Variants in COL2A1 observed in about 807,000 individuals in gnomAD.
COL2A1 encodes the protein collagen alpha-1(II) chain.
In COL2A1, 28 loss-of-function variants were observed where a neutral mutation model predicts 204.5. That is an observed-to-expected ratio of 0.14 (90% CI 0.10 to 0.19). The LOEUF (loss-of-function observed/expected upper bound fraction) is 0.19. Among genes scored for constraint, COL2A1 ranks in the 10% least tolerant of loss-of-function variants. The pLI is 1.00. For synonymous variants in COL2A1, 708 were observed against 718.7 expected (o/e 0.99, Z 0.24); for missense variants, 1,388 against 2,027.5 (o/e 0.68, Z 6.06).
In COL2A1 at chr12:47,982,605, G is replaced by T. The variant is rs1939157535; in HGVS notation, c.2198C>A (p.Ala733Glu). 2 of 1,609,320 alleles carry T rather than the reference G, an allele frequency of 1.2e-6. No individual in the cohort carries two copies. Residue 733 changes from alanine (A) to glutamate (E), a missense_variant, in exon 34 of 54, where the codon GCA (alanine) becomes GAA (glutamate). This residue lies in a region of COL2A1 where 884 missense variants were observed against 1,415.8 expected (regional missense o/e 0.62). Coordinates refer to ENST00000380518, the MANE Select transcript of COL2A1 (RefSeq NM_001844.5). ...GTPGTDGPKG[A>E]SGPAGPPGAQ... ...CCCAGGGGGGCCTGCTGGGCCAGAT[G>T]CACCCTGGGGAGGGAGGTAAGAGGG...
At chr12:47,979,118 A>G (rs1938896172) in intron 41 of COL2A1, among the ~76,000 whole-genome samples, 1 of 151,698 alleles carries the variant, frequency 6.6e-6, no homozygotes, top group South Asian at 2.1e-4. Context: ...CCCTCTGCCT[A>G]TGGCGCTGGT....
chr12:47,974,155 A>T lies in COL2A1; in HGVS notation c.4251T>A (p.Asn1417Lys), dbSNP rs1938574374. Residue 1417 changes from asparagine (N) to lysine (K), a missense_variant, in exon 53 of 54, where the codon AAT becomes AAA. Physicochemically the swap from Asn to Lys is moderately conservative, Grantham distance 94. Around this residue, in one of 3 missense-constraint regions of COL2A1, gnomAD observed 303 missense variants for 369.2 expected, o/e 0.82. Coordinates refer to ENST00000380518, the MANE Select transcript of COL2A1 (RefSeq NM_001844.5). ...TGCCCTCTGCCCGGATCTCCACGTC[A>T]TTGGAGCCCTGGATGAGCAGGGCCT... is the stretch of plus-strand genomic sequence containing the variant. Reference protein sequence around the residue: ...LKKALLIQGSNDVEIRAEGNS... With the variant: ...LKKALLIQGSKDVEIRAEGNS... 1.2e-6 allele frequency: 2 copies of T among 1,614,168 alleles called. No individual in the cohort carries two copies. Among genetic ancestry groups the T allele is most frequent in the South Asian group, 2.2e-5 (2 of 91,082 alleles).
chr12:47,976,742 C>T lies in COL2A1; in HGVS notation c.3435+70G>A. On this transcript the variant is annotated intron_variant, in intron 48 of 53. Transcript: ENST00000380518. This position sits in a 1 kb window ranked among gnomAD's most constrained non-coding sequence, Gnocchi z 4.3. The stretch of plus-strand genomic sequence containing the variant: ...GGGTGATCCCAAGCTGTCCTGGCAG[C>T]ACAGGGAGCTCAAGTGGGCTCTGTG... The T allele has an allele frequency of 6.8e-7, 1 of 1,468,550 alleles. No individual in the cohort carries two copies. 91.0% of individuals were successfully genotyped at this position (1,468,550 alleles called of 1,614,324 possible).
Position 47,993,842 on chromosome 12 carries a change from A to G in COL2A1, c.891T>C (p.Gly297=). ...CAGGAGCACCCGCCTCTCCCTTAGCACCGTCCAGGCCTGGATAACCCTAGG... is the reference window on the plus strand; with the variant it reads ...CAGGAGCACCCGCCTCTCCCTTAGCGCCGTCCAGGCCTGGATAACCCTAGG... The part of the protein sequence containing the change: ...KGHRGYPGLD[G]AKGEAGAPGV... Residue 297 remains glycine, a synonymous_variant, in exon 14 of 54, where the codon GGT becomes GGC. Coordinates refer to ENST00000380518, the MANE Select transcript of COL2A1 (RefSeq NM_001844.5). 1 of 1,614,044 alleles carries G rather than the reference A, an allele frequency of 6.2e-7. No individual in the cohort carries two copies. The highest frequency in any genetic ancestry group is 8.5e-7 in the Non-Finnish European group (1 of 1,179,980).
chr12:48,003,181 A>C (rs1940314971), intron 1 of COL2A1: 1 of 152,158 alleles, frequency 6.6e-6, no homozygotes. Flanking sequence ...GACCTTACCA[A>C]AGGAGGGGTA....
chr12:48,005,240 G>C (rs536130818), upstream of COL2A1: 1 of 153,072 alleles, frequency 6.5e-6, no homozygotes, highest in African/African-American at 2.4e-5. Flanking sequence ...GTGAAGGTGT[G>C]GGGGGCAGGG....
intron 2 of COL2A1, chr12:47,998,791 C>G (rs541081247): frequency 7.2e-5 from 18 of 250,972 alleles, no homozygotes; most frequent in Non-Finnish European, 1.3e-4. Context: ...GGTAGGGAGC[C>G]GTTCCCGAAC....
chr12:47,984,261 A>G (rs1001562430), intron 28 of COL2A1, 121 bp from the exon 29 acceptor site: 20 of 926,282 alleles, frequency 2.2e-5, no homozygotes, highest in Non-Finnish European at 3.5e-5. Context: ...ACCCCAGCTG[A>G]GCTCCATTTC....
chr12:47,974,387 A>G, intron 52 of COL2A1, 56 bp from the exon 53 acceptor site: 1 of 1,598,874 alleles, frequency 6.3e-7, no homozygotes. Flanking sequence ...CAATGGGACC[A>G]GGGGCTGTAG....
intron 18 of COL2A1, 149 bp downstream of exon 18, chr12:47,989,079 C>G: frequency 1.4e-6 from 1 of 719,062 alleles, no homozygotes; most frequent in Non-Finnish European, 2.5e-6. Context: ...TTTTGCCCTG[C>G]CTGGATGGAG....
chr12:47,997,982 C>T (rs1379389014), intron 5 of COL2A1, 50 bp downstream of exon 5: 1 of 1,614,088 alleles, frequency 6.2e-7, no homozygotes, highest in Admixed American at 1.7e-5. Flanking sequence ...AGATCAGTAA[C>T]TTGCGCGCAG....
At position 47,987,666 on chromosome 12, in the gene COL2A1, T is replaced by A. The variant is rs1441045605; in HGVS notation, c.1166A>T (p.Gln389Leu). ...PTGARGPEGA[Q>L]GPRGEPGTPG... ...AGTACCAGGTTCACCGCGAGGACCT[T>A]GAGCACCTTCAGGACCACGGGCACC... Residue 389 changes from glutamine to leucine, a missense_variant, in exon 19 of 54, where the codon CAA (glutamine) becomes CTA (leucine). Transcript: ENST00000380518. This position sits in a 1 kb window ranked among gnomAD's most constrained non-coding sequence, Gnocchi z 4.1. 6.2e-7 allele frequency: 1 copy of A among 1,613,250 alleles called. No homozygotes were observed.
rs2136556746 is a variant in COL2A1 at position 47,983,706 on chromosome 12, C to T, written c.1972G>A (p.Ala658Thr). ...ACCTGGAACCCAGATGGCCCAGGAG[C>T]ACCCTGCTCGCCTCGTTCACCAGCA... ...GPAGERGEQG[A>T]PGPSGFQGLP... is the part of the protein sequence containing the mutation. The change falls in exon 30 of 54, where the codon GCT (alanine) becomes ACT (threonine). Residue 658 changes from alanine to threonine, a missense_variant. Ala to Thr is a moderately conservative substitution (Grantham distance 58). This residue lies in a region of COL2A1 where 884 missense variants were observed against 1,415.8 expected (regional missense o/e 0.62). Transcript: ENST00000380518. 1 of 1,599,634 alleles carries T rather than the reference C, an allele frequency of 6.3e-7. No individual in the cohort carries two copies. The highest frequency in any genetic ancestry group is 8.5e-7 in the Non-Finnish European group (1 of 1,173,180).
chr12:47,984,707 A>G, intron 27 of COL2A1, 108 bp from the exon 28 acceptor site: 1 of 1,055,832 alleles, frequency 9.5e-7, no homozygotes, highest in Non-Finnish European at 1.5e-6. Context: ...ATGGACAGCC[A>G]AGATAAAGCA....
chr12:47,974,357 G>A (rs989799174), intron 52 of COL2A1, 26 bp from the exon 53 acceptor site: 1 of 1,612,378 alleles, frequency 6.2e-7, no homozygotes. Context: ...GCGGCAGTGT[G>A]AGGCCTGGGA....
rs1355992813 is a variant in COL2A1, at chr12:47,984,739, G to T, written c.1834-140C>A. ...AGCAAAGTATCAGCCCTTCTCTTCT[G>T]TTCAGGGGCCATAATGGCAACCAGC... On this transcript the variant is annotated intron_variant, in intron 27 of 53. Coordinates refer to ENST00000380518, the MANE Select transcript of COL2A1 (RefSeq NM_001844.5). 8.1e-6 allele frequency: 7 copies of T among 865,260 alleles called. No homozygotes were observed. The East Asian group carries it at 1.8e-4, about 23-fold the overall frequency. The allele number at this position is 865,260 out of a possible 1,614,324, so 53.6% of individuals were successfully genotyped here.
intron 52 of COL2A1, 65 bp downstream of exon 52, chr12:47,974,610 G>T: frequency 6.4e-7 from 1 of 1,566,848 alleles, no homozygotes; most frequent in Non-Finnish European, 8.8e-7. Context: ...AGCTTCCAGG[G>T]AGAAAGAAAA....
intron 45 of COL2A1, 72 bp from the exon 46 acceptor site, chr12:47,977,499 CTGAGA>C (rs932677268): frequency 2.5e-6 from 4 of 1,588,186 alleles, no homozygotes; most frequent in African/African-American, 2.7e-5. Context: ...TCCTTCTAGG[CTGAGA>C]TGAGACTTGT....
In COL2A1 at chr12:47,985,111, A is replaced by G; in HGVS notation, c.1735-18T>C. On this transcript the variant is annotated intron_variant, in intron 26 of 53. Coordinates refer to ENST00000380518, the MANE Select transcript of COL2A1 (RefSeq NM_001844.5). ...GGGGCTCCCTGAAAGACAGAACACC[A>G]TTCTCAGAACATAGACACTCTGACC... 2.5e-6 allele frequency: 4 copies of G among 1,597,938 alleles called. No homozygotes were observed. The highest frequency in any genetic ancestry group is 3.4e-6 in the Non-Finnish European group (4 of 1,166,894).
Sources: gnomAD v4.1 joint callset for allele counts (sites outside exome capture counted in the v4.1 genomes callset) on GRCh38, gnomAD v4.1.1 for gene constraint, gnomAD v4.1.1 regional missense constraint, Gnocchi (gnomAD v3.1) non-coding constraint, MANE v1.5 for transcripts, NCBI Gene and HGNC (gene_info 2026-07-23, HGNC 2026-07-21) for gene names.